The following SOAT2 variants were observed in gnomAD, a reference collection of about 807,000 sequenced individuals.
SOAT2 encodes sterol O-acyltransferase 2.
A neutral mutation model predicts 76.0 loss-of-function variants in SOAT2; 87 were observed. That is an observed-to-expected ratio of 1.14 (90% CI 0.96 to 1.37). SOAT2 has a LOEUF of 1.37. Among genes scored for constraint, SOAT2 ranks in the 40% most tolerant of loss-of-function variants. The pLI is 0.00. For synonymous variants in SOAT2, 285 were observed against 275.4 expected, an observed-to-expected ratio of 1.03 and a Z score of -0.34; for missense variants, 686 against 682.1, an observed-to-expected ratio of 1.01 and a Z score of -0.06.
intron 5 of SOAT2, among the ~76,000 whole-genome samples, chr12:53,114,006 A>G (rs557973826): frequency 3.9e-5 from 6 of 152,134 alleles, no homozygotes; most frequent in African/African-American, 1.4e-4. Context: ...GAGGTTCAGG[A>G]AAGGCCTAGG....
Position 53,119,028 on chromosome 12 carries a change from G to C in SOAT2, c.909+93G>C, listed in dbSNP as rs1319597582. On this transcript the variant is annotated intron_variant, in intron 9 of 14. Coordinates refer to ENST00000301466, the MANE Select transcript of SOAT2 (RefSeq NM_003578.4). ...CCTGGGGAGGCAGTGGGAGGGTGAT[G>C]CCAAGGGAAGAGAAGGCCAGTGCTG... 28 of 1,609,960 alleles carry C rather than the reference G, an allele frequency of 1.7e-5. No individual in the cohort carries two copies. In the East Asian group the frequency reaches 5.6e-4, roughly 32 times the overall value.
chr12:53,104,967 T>G, intron 2 of SOAT2, 140 bp from the exon 3 acceptor site: 46 of 763,726 alleles, frequency 6.0e-5, no homozygotes, highest in East Asian at 1.9e-4. Context: ...TGAACCCCCA[T>G]CCCTGCTGAC....
chr12:53,121,165 TCTG>T, intron 11 of SOAT2, 135 bp from the exon 12 acceptor site: 1 of 687,530 alleles, frequency 1.5e-6, no homozygotes, highest in South Asian at 1.7e-5. Context: ...TGGGAGAGTG[TCTG>T]CTGTCCCTGT....
chr12:53,123,303 G>A, intron 13 of SOAT2, 87 bp downstream of exon 13: 1 of 1,539,428 alleles, frequency 6.5e-7, no homozygotes. Context: ...GATGGTGGGA[G>A]GCCTCGCCCC....
At chr12:53,116,293 T>C (rs1938107256) in intron 7 of SOAT2, 127 bp downstream of exon 7, 3 of 765,340 alleles carry the variant, frequency 3.9e-6, no homozygotes, top group Non-Finnish European at 6.6e-6. Context: ...GGCACAGCCC[T>C]GGCATCCAGC....
chr12:53,121,429 C>A, intron 12 of SOAT2, 28 bp downstream of exon 12: 1 of 1,556,322 alleles, frequency 6.4e-7, no homozygotes, highest in South Asian at 1.1e-5. Context: ...CCCTTCAGCT[C>A]TCACAGTTAA....
At position 53,115,408 on chromosome 12, in the gene SOAT2, C is replaced by T. The variant is rs1265102571; in HGVS notation, c.462C>T (p.Asp154=). The T allele has an allele frequency of 2.5e-6, 4 of 1,608,240 alleles. No homozygotes were observed. Among genetic ancestry groups the T allele is most frequent in the Non-Finnish European group, 3.4e-6 (4 of 1,177,496 alleles). The change falls in exon 6 of 15, where the codon GAC becomes GAT. Residue 154 remains aspartate (D), a synonymous_variant. Transcript: ENST00000301466. ...IDEGRLLLEF[D]LLIFSFGQLP... ...CTCCAAGGCTGCTGCTGGAGTTTGA[C>T]CTACTGATCTTCAGCTTCGGACAGC... is the stretch of plus-strand genomic sequence containing the variant.
At chr12:53,105,788 G>A in intron 4 of SOAT2, 119 bp from the exon 5 acceptor site, 1 of 945,146 alleles carries the variant, frequency 1.1e-6, no homozygotes, top group Non-Finnish European at 1.6e-6. Context: ...GTGGAAGAAA[G>A]GCCTTTAGCT....
chr12:53,115,951 C>T, intron 6 of SOAT2, 146 bp from the exon 7 acceptor site: 1 of 745,512 alleles, frequency 1.3e-6, no homozygotes, highest in South Asian at 1.7e-5. Flanking sequence ...GCTATACGGC[C>T]ATCCAACAAA....
chr12:53,116,002 T>C (rs1006657621), intron 6 of SOAT2, 95 bp from the exon 7 acceptor site: 1 of 1,063,838 alleles, frequency 9.4e-7, no homozygotes, highest in Non-Finnish European at 1.5e-6. Flanking sequence ...TCTTACACTC[T>C]GCCTGCCTCT....
intron 1 of SOAT2, 57 bp from the exon 2 acceptor site, chr12:53,104,094 T>C: frequency 1.4e-6 from 2 of 1,451,534 alleles, no homozygotes; most frequent in South Asian, 1.1e-5. Flanking sequence ...AGGATGCCTC[T>C]GGGTCTGCAG....
At chr12:53,115,265 C>T in intron 5 of SOAT2, 125 bp from the exon 6 acceptor site, 1 of 1,126,318 alleles carries the variant, frequency 8.9e-7, no homozygotes. Context: ...TGAACACCTC[C>T]AGAGATGGGG....
At chr12:53,121,807 T>G (rs2121304938) in intron 12 of SOAT2, among the ~76,000 whole-genome samples, 3 of 133,976 alleles carry the variant, frequency 2.2e-5, no homozygotes, top group African/African-American at 8.6e-5. Flanking sequence ...TTTTTTTTTT[T>G]TTTTTTTTTT....
intron 10 of SOAT2, 90 bp downstream of exon 10, chr12:53,119,343 C>T (rs557411487): frequency 2.1e-6 from 3 of 1,399,126 alleles, no homozygotes; most frequent in Non-Finnish European, 2.0e-6. Flanking sequence ...TCAGTTTCAA[C>T]ACGTTCTCCT....
At chr12:53,112,937 A>G (rs12308646) in intron 5 of SOAT2, among the ~76,000 whole-genome samples, 28,302 of 151,356 alleles carry the variant, frequency 0.19, 3,383 homozygotes, top group African/African-American at 0.35. Flanking sequence ...CCGCCACCAC[A>G]CCTGGCTAAT....
At chr12:53,112,475 G>A (rs1413096883) in intron 5 of SOAT2, among the ~76,000 whole-genome samples, 17 of 150,632 alleles carry the variant, frequency 1.1e-4, no homozygotes. Context: ...GAACCCGGGA[G>A]GCGGAGGTTG....
Position 53,115,594 on chromosome 12 carries a change from C to T in SOAT2, c.648C>T (p.Val216=). Residue 216 remains valine, a synonymous_variant, in exon 6 of 15, where the codon GTC becomes GTT. Transcript: ENST00000301466. The part of the protein sequence containing the change: ...AHAVVLCALP[V]HVAVEHQLPP... ...CCGTGGTGCTCTGCGCGCTGCCGGTCCACGTGGCCGTGGAGCATCAGCTCC... is the reference window on the plus strand; with the variant it reads ...CCGTGGTGCTCTGCGCGCTGCCGGTTCACGTGGCCGTGGAGCATCAGCTCC... 1 of 1,575,674 alleles carries T rather than the reference C, an allele frequency of 6.3e-7. No homozygotes were observed. Among genetic ancestry groups the T allele is most frequent in the Non-Finnish European group, 8.6e-7 (1 of 1,166,712 alleles).
In SOAT2 at chr12:53,123,738, C is replaced by T. The variant is rs1938231339; in HGVS notation, c.1383C>T (p.Asn461=). ...TTCCTCCTGCACCAGGAATGTTGAA[C>T]TTCATGATGCATGACCAGCGCACCG... ...ILFLVIGGML[N]FMMHDQRTGP... The change falls in exon 14 of 15, where the codon AAC becomes AAT. Residue 461 remains asparagine, a synonymous_variant. Coordinates refer to ENST00000301466, the MANE Select transcript of SOAT2 (RefSeq NM_003578.4). 1.9e-6 allele frequency: 3 copies of T among 1,614,148 alleles called. No homozygotes were observed. The highest frequency in any genetic ancestry group is 1.7e-5 in the Admixed American group (1 of 60,014).
Position 53,103,617 on chromosome 12 carries a change from G to C in SOAT2, c.40G>C (p.Glu14Gln), listed in dbSNP as rs1175475224. ...GGARLRLQRT[E>Q]GLGGERERQP... ...GGCCCGTCTGCGTCTGCAGAGGACAGAAGGGCTGGGAGGGGAGCGGGAGCG... is the reference window on the plus strand; with the variant it reads ...GGCCCGTCTGCGTCTGCAGAGGACACAAGGGCTGGGAGGGGAGCGGGAGCG... Residue 14 changes from glutamate (E) to glutamine (Q), a missense_variant, in exon 1 of 15, where the codon GAA becomes CAA. Coordinates refer to ENST00000301466, the MANE Select transcript of SOAT2 (RefSeq NM_003578.4). 6.5e-7 allele frequency: 1 copy of C among 1,546,106 alleles called. No individual in the cohort carries two copies. The highest frequency in any genetic ancestry group is 2.4e-5 in the East Asian group (1 of 40,902).
Sources: gnomAD v4.1 joint callset for allele counts (sites outside exome capture counted in the v4.1 genomes callset) on GRCh38, gnomAD v4.1.1 for gene constraint, MANE v1.5 for transcripts, NCBI Gene and HGNC (gene_info 2026-07-23, HGNC 2026-07-21) for gene names.